KPLCE: variants seen among roughly 807,000 people sequenced by gnomAD.
KPLCE encodes KPRP N-terminal and LCE C-terminal like protein.
the KPLCE span, chr1:152,719,782 C>A: frequency 1.3e-6 from 2 of 1,552,066 alleles, no homozygotes; most frequent in East Asian, 2.4e-5. Context: ...CCTGCCAAAC[C>A]TATGTGAAGT....
chr1:152,719,614 G>A, the KPLCE span: 1 of 1,552,110 alleles, frequency 6.4e-7, no homozygotes, highest in South Asian at 1.2e-5. Context: ...GTGCCTCTGT[G>A]AAATGCCCAG....
chr1:152,720,240 C>T, the KPLCE span: 1 of 1,550,334 alleles, frequency 6.5e-7, no homozygotes. Context: ...CGAGGTCCTG[C>T]ATGCTGTGAC....
the KPLCE span, chr1:152,719,766 CA>C: frequency 6.4e-7 from 1 of 1,551,978 alleles, no homozygotes; most frequent in South Asian, 1.2e-5. Context: ...GTGAAATACC[CA>C]ACACCCTGCC....
the KPLCE span, chr1:152,719,923 C>G: frequency 7.7e-6 from 12 of 1,552,196 alleles, no homozygotes; most frequent in South Asian, 1.4e-4. Flanking sequence ...CGTGCTATGT[C>G]CAGGGTGCTT....
the KPLCE span, chr1:152,719,634 A>G: frequency 4.5e-6 from 7 of 1,551,958 alleles, no homozygotes; most frequent in African/African-American, 9.6e-5. Context: ...GTTCCATGCC[A>G]GACCCAAACT....
chr1:152,719,860 A>T, the KPLCE span: 1 of 1,552,006 alleles, frequency 6.4e-7, no homozygotes, highest in Non-Finnish European at 8.7e-7. Flanking sequence ...TGAAGTGCCC[A>T]GCTCCCTGCC....
At chr1:152,719,931 C>A in the KPLCE span, 5 of 1,552,174 alleles carry the variant, frequency 3.2e-6, no homozygotes, top group Admixed American at 2.0e-5. Flanking sequence ...GTCCAGGGTG[C>A]TTCTCCTTGC....
At chr1:152,720,148 C>T in the KPLCE span, 2 of 1,551,576 alleles carry the variant, frequency 1.3e-6, no homozygotes, top group Non-Finnish European at 1.7e-6. Context: ...GCTCTGGATG[C>T]TGTGGTTCTG....
chr1:152,719,962 T>C, the KPLCE span: 4 of 1,551,936 alleles, frequency 2.6e-6, no homozygotes, highest in East Asian at 9.8e-5. Flanking sequence ...ATGTTCAAGC[T>C]CCTGCAAGTG....
the KPLCE span, chr1:152,719,617 A>G: frequency 6.4e-7 from 1 of 1,552,144 alleles, no homozygotes; most frequent in Non-Finnish European, 8.7e-7. Flanking sequence ...CCTCTGTGAA[A>G]TGCCCAGTTC....
At chr1:152,720,463 C>CTGAA in the KPLCE span, 5 of 577,574 alleles carry the variant, frequency 8.7e-6, no homozygotes, top group Middle Eastern at 4.5e-4. Context: ...GAATAAAGCT[C>CTGAA]TGAATGCATT....
At chr1:152,720,382 C>CT in the KPLCE span, 1 of 960,848 alleles carries the variant, frequency 1.0e-6, no homozygotes, top group African/African-American at 1.7e-5. Flanking sequence ...AACCTCATCA[C>CT]TTTGCCTCTG....
the KPLCE span, chr1:152,719,849 G>C: frequency 6.4e-7 from 1 of 1,552,098 alleles, no homozygotes; most frequent in Non-Finnish European, 8.7e-7. Flanking sequence ...CCAAACCTAC[G>C]TGAAGTGCCC....
chr1:152,719,840 C>G, the KPLCE span: 1 of 1,552,186 alleles, frequency 6.4e-7, no homozygotes, highest in East Asian at 2.4e-5. Context: ...AACTCCCTGC[C>G]AAACCTACGT....
chr1:152,720,444 CTT>C, the KPLCE span: 1 of 602,814 alleles, frequency 1.7e-6, no homozygotes, highest in East Asian at 2.8e-5. Context: ...AGTCCCCAAA[CTT>C]TGGCATGAAT....
At chr1:152,720,145 A>G in the KPLCE span, 3 of 1,551,580 alleles carry the variant, frequency 1.9e-6, no homozygotes, top group Non-Finnish European at 1.7e-6. Flanking sequence ...GAAGCTCTGG[A>G]TGCTGTGGTT....
chr1:152,719,664 C>T, the KPLCE span: 86 of 1,552,270 alleles, frequency 5.5e-5, no homozygotes, highest in African/African-American at 1.1e-3. Context: ...ACAGGCCCTG[C>T]TCCATGCCCT....
At chr1:152,719,990 T>C in the KPLCE span, 3 of 1,551,706 alleles carry the variant, frequency 1.9e-6, no homozygotes, top group Admixed American at 5.9e-5. Flanking sequence ...CTCCCAGTAC[T>C]GTGTCACTGA....
At chr1:152,719,768 A>T in the KPLCE span, 26 of 1,550,998 alleles carry the variant, frequency 1.7e-5, no homozygotes, top group Non-Finnish European at 2.3e-5. Flanking sequence ...GAAATACCCA[A>T]CACCCTGCCA....
Sources: gnomAD v4.1 joint callset for allele counts on GRCh38, gnomAD v4.1.1 for gene constraint, MANE v1.5 for transcripts, NCBI Gene and HGNC (gene_info 2026-07-23, HGNC 2026-07-21) for gene names.